Variants in TDRD3 observed in about 807,000 individuals in gnomAD.
The protein encoded by TDRD3 is tudor domain-containing protein 3.
In TDRD3, 45 loss-of-function variants were observed where a neutral mutation model predicts 86.7. The observed-to-expected ratio is 0.52, with a 90% confidence interval of 0.41 to 0.67. The LOEUF is 0.67. Ranked by LOEUF, TDRD3 falls within the 30% of genes least tolerant of loss-of-function variation. TDRD3 has a pLI of 0.00. For synonymous variants in TDRD3, 298 were observed against 301.7 expected, an observed-to-expected ratio of 0.99 and a Z score of 0.13; for missense variants, 814 against 889.0, an observed-to-expected ratio of 0.92 and a Z score of 1.07.
upstream of TDRD3, chr13:60,396,469 C>T (rs1330604071): frequency 2.6e-5 from 4 of 152,270 alleles, no homozygotes; most frequent in African/African-American, 9.7e-5. Flanking sequence ...CCACCCTGCG[C>T]CCCAGCCCTC....
chr13:60,482,043 C>G (rs188827851), intron 5 of TDRD3, among the ~76,000 whole-genome samples: 1,115 of 152,302 alleles, frequency 7.3e-3, no homozygotes, highest in Non-Finnish European at 0.013. Context: ...TCTGCATGGT[C>G]TGATCTGGCT....
At chr13:60,397,431 CG>C in intron 1 of TDRD3, 26 bp downstream of exon 1, 1 of 1,477,518 alleles carries the variant, frequency 6.8e-7, no homozygotes, top group South Asian at 1.3e-5. Context: ...CGCCGGCTGC[CG>C]GGCCGCGGGT....
Position 60,494,562 on chromosome 13 carries a change from T to C in TDRD3, c.845T>C (p.Val282Ala). 1 of 1,613,574 alleles carries C rather than the reference T, an allele frequency of 6.2e-7. No individual in the cohort carries two copies. The highest frequency in any genetic ancestry group is 8.5e-7 in the Non-Finnish European group (1 of 1,179,732). The change falls in exon 8 of 14, where the codon GTC becomes GCC. Residue 282 changes from valine to alanine, a missense_variant. Coordinates refer to ENST00000377881, the MANE Select transcript of TDRD3 (RefSeq NM_001146070.2). ...STKSEGKHEGVYRELVDEKAL... is the reference protein window; with the variant it reads ...STKSEGKHEGAYRELVDEKAL... Reference sequence around the variant, plus strand: ...AAATCAGAGGGAAAACATGAAGGTGTCTATAGAGAACTGGTAAGGCTAAAG... The same window carrying C: ...AAATCAGAGGGAAAACATGAAGGTGCCTATAGAGAACTGGTAAGGCTAAAG...
At chr13:60,570,479 CTACTAT>C (rs1346792986) in intron 13 of TDRD3, among the ~76,000 whole-genome samples, 1 of 152,170 alleles carries the variant, frequency 6.6e-6, no homozygotes, top group African/African-American at 2.4e-5. Context: ...ATTAGCACAG[CTACTAT>C]GGAGAACAGT....
At chr13:60,502,741 A>ATT (rs1199134417) in intron 8 of TDRD3, among the ~76,000 whole-genome samples, 5 of 152,126 alleles carry the variant, frequency 3.3e-5, no homozygotes, top group East Asian at 1.9e-4. Context: ...CTTGTACAGG[A>ATT]TTATATATAT....
chr13:60,422,479 A>G (rs1954684623), intron 1 of TDRD3, among the ~76,000 whole-genome samples: 2 of 152,202 alleles, frequency 1.3e-5, no homozygotes, highest in Non-Finnish European at 2.9e-5. Context: ...CTATAACTCT[A>G]AGTTCATACT....
At chr13:60,538,514 A>G (rs1003950761) in intron 12 of TDRD3, among the ~76,000 whole-genome samples, 51 of 152,122 alleles carry the variant, frequency 3.4e-4, no homozygotes, top group African/African-American at 1.2e-3. Flanking sequence ...ATTTATCTCA[A>G]AAAATGAGTT....
At chr13:60,429,873 A>G (rs1206056403) in intron 1 of TDRD3, among the ~76,000 whole-genome samples, 1 of 152,046 alleles carries the variant, frequency 6.6e-6, no homozygotes, top group Non-Finnish European at 1.5e-5. Context: ...ATTTTTGAAT[A>G]TCATTATGTT....
intron 5 of TDRD3, among the ~76,000 whole-genome samples, chr13:60,480,361 G>T (rs1229004868): frequency 5.3e-5 from 8 of 152,178 alleles, no homozygotes; most frequent in African/African-American, 1.9e-4. Context: ...TGAAAGGTGT[G>T]CTGTTAGCTG....
At chr13:60,534,986 G>C (rs1024289695) in intron 11 of TDRD3, 122 bp from the exon 12 acceptor site, 3 of 1,036,240 alleles carry the variant, frequency 2.9e-6, no homozygotes, top group Non-Finnish European at 4.0e-6. Flanking sequence ...GGGTTCCAAA[G>C]GTAAGTTTCC....
intron 10 of TDRD3, among the ~76,000 whole-genome samples, chr13:60,524,894 T>G (rs1269084849): frequency 6.6e-6 from 1 of 151,492 alleles, no homozygotes; most frequent in Non-Finnish European, 1.5e-5. Flanking sequence ...GTCAGGAGTT[T>G]GAGACCAGTC....
At chr13:60,460,680 C>T in intron 4 of TDRD3, 140 bp downstream of exon 4, 4 of 745,136 alleles carry the variant, frequency 5.4e-6, no homozygotes, top group Non-Finnish European at 6.0e-6. Context: ...TAGAGCTTTT[C>T]TGCATTTCTG....
At chr13:60,460,824 G>C (rs530396563) in intron 4 of TDRD3, 1 of 184,402 alleles carries the variant, frequency 5.4e-6, no homozygotes, top group African/African-American at 2.4e-5. Context: ...GACCAATGTG[G>C]TGAAACCCTG....
At chr13:60,489,798 AT>A (rs1201492047) in intron 7 of TDRD3, among the ~76,000 whole-genome samples, 6 of 152,026 alleles carry the variant, frequency 3.9e-5, no homozygotes, top group African/African-American at 4.8e-5. Flanking sequence ...AAATATATTT[AT>A]TTTTTTCCAG....
At chr13:60,496,710 G>A (rs1366024532) in intron 8 of TDRD3, among the ~76,000 whole-genome samples, 1 of 152,128 alleles carries the variant, frequency 6.6e-6, no homozygotes, top group African/African-American at 2.4e-5. Context: ...TGGACAAAGT[G>A]ATGAAAGAAA....
chr13:60,479,387 A>C (rs1012680683), intron 5 of TDRD3, among the ~76,000 whole-genome samples: 3 of 152,178 alleles, frequency 2.0e-5, no homozygotes, highest in Non-Finnish European at 4.4e-5. Flanking sequence ...GATTATTTTG[A>C]ATTAATGGAG....
At chr13:60,433,337 A>T (rs1955001237) in intron 1 of TDRD3, among the ~76,000 whole-genome samples, 1 of 152,200 alleles carries the variant, frequency 6.6e-6, no homozygotes, top group African/African-American at 2.4e-5. Flanking sequence ...TGAAGTAAGC[A>T]TGGGTTCTTT....
At chr13:60,441,901 C>A (rs901648301) in intron 2 of TDRD3, among the ~76,000 whole-genome samples, 2 of 152,114 alleles carry the variant, frequency 1.3e-5, no homozygotes, top group Non-Finnish European at 2.9e-5. Flanking sequence ...AATTTCAGAT[C>A]CCTCCCAGAA....
chr13:60,558,291 CTTATA>C (rs1406086758), intron 12 of TDRD3, among the ~76,000 whole-genome samples: 1 of 152,190 alleles, frequency 6.6e-6, no homozygotes, highest in African/African-American at 2.4e-5. Context: ...GTTAACTCAT[CTTATA>C]TTAGCCTACC....
Sources: allele counts gnomAD v4.1 joint callset (sites outside exome capture counted in the v4.1 genomes callset), GRCh38; gene constraint gnomAD v4.1.1; transcripts MANE v1.5; gene names NCBI Gene and HGNC (gene_info 2026-07-23, HGNC 2026-07-21).